JAK2: variants seen among roughly 807,000 people sequenced by gnomAD.
JAK2 encodes the protein Janus kinase 2.
A neutral mutation model predicts 139.3 loss-of-function variants in JAK2; 86 were observed. That is an observed-to-expected ratio of 0.62 (90% confidence interval 0.52 to 0.74). The LOEUF (loss-of-function observed/expected upper bound fraction) is 0.74. Ranked by LOEUF, JAK2 falls within the 30% of genes least tolerant of loss-of-function variation. JAK2 has a pLI of 0.00. For missense variants in JAK2, 1,421 were observed against 1,360.3 expected, an observed-to-expected ratio of 1.04 and a Z score of -0.70; for synonymous variants, 490 against 437.7, an observed-to-expected ratio of 1.12 and a Z score of -1.49.
chr9:5,047,678 C>T (rs1323577461), intron 5 of JAK2, among the ~76,000 whole-genome samples: 3 of 152,160 alleles, frequency 2.0e-5, no homozygotes, highest in African/African-American at 7.2e-5. Context: ...AGAGATTGAA[C>T]TCCTGGGCTC....
chr9:5,055,525 T>C lies in JAK2; in HGVS notation c.937-144T>C, dbSNP rs1278087651. The C allele has an allele frequency of 5.2e-6, 3 of 574,930 alleles. No homozygotes were observed. In the East Asian group the frequency reaches 9.6e-5, roughly 18 times the overall value. The allele number at this position is 574,930 out of a possible 1,614,324, so 35.6% of individuals were successfully genotyped here. ...TAGTCTTAGGGTTAGATTGATAGAG[T>C]AAATCACGTTTAATGCTTATCTATT... On this transcript the variant is annotated intron_variant, in intron 7 of 24. Transcript: ENST00000381652.
chr9:5,116,826 T>C (rs952733261), intron 22 of JAK2, among the ~76,000 whole-genome samples: 7 of 152,132 alleles, frequency 4.6e-5, no homozygotes, highest in Non-Finnish European at 1.0e-4. Context: ...AGCTCATAAT[T>C]AGGAAAAGTC....
chr9:5,048,388 G>A (rs1246742998), intron 5 of JAK2, among the ~76,000 whole-genome samples: 1 of 152,046 alleles, frequency 6.6e-6, no homozygotes, highest in Admixed American at 6.6e-5. Flanking sequence ...TCATCTGCCT[G>A]CCTTGGCCTT....
intron 6 of JAK2, among the ~76,000 whole-genome samples, chr9:5,053,544 G>T (rs1449202452): frequency 6.6e-6 from 1 of 151,926 alleles, no homozygotes; most frequent in East Asian, 1.9e-4. Flanking sequence ...TGTGGTTTTA[G>T]CAACATGGAT....
At chr9:5,125,001 TC>T (rs760137046) in intron 23 of JAK2, among the ~76,000 whole-genome samples, 6 of 151,376 alleles carry the variant, frequency 4.0e-5, no homozygotes, top group African/African-American at 9.7e-5. Flanking sequence ...TTTTATTAAA[TC>T]CAGTAAGCTA....
rs765377116 is a variant in JAK2, at chr9:5,029,741, G to T, written c.227-42G>T. On this transcript the variant is annotated intron_variant, in intron 3 of 24. Transcript: ENST00000381652. ...TATAGGTGCTATGTAAAAATATTCT[G>T]TTGTGTACCTTTAATAATTCCTTTC... 5 of 1,552,822 alleles carry T rather than the reference G, an allele frequency of 3.2e-6. No individual in the cohort carries two copies. The East Asian group carries it at 1.2e-4, about 36-fold the overall frequency.
intron 19 of JAK2, chr9:5,086,257 C>A: frequency 4.0e-6 from 2 of 501,384 alleles, no homozygotes; most frequent in South Asian, 1.2e-4. Context: ...ATGGTGGCTC[C>A]GCCTCTGGCC....
rs777691178 is a variant in JAK2, at chr9:5,064,939, A to G, written c.1113A>G (p.Gly371=). Residue 371 remains glycine (G), a synonymous_variant, in exon 9 of 25, where the codon GGA becomes GGG. Coordinates refer to ENST00000381652, the MANE Select transcript of JAK2 (RefSeq NM_004972.4). ...TGTCTTTCGTGTCATTAATTGATGG[A>G]TATTATAGATTAACTGCAGATGCAC... ...EALSFVSLID[G]YYRLTADAHH... is the part of the protein sequence containing the mutation. The G allele has an allele frequency of 6.2e-7, 1 of 1,604,448 alleles. No individual in the cohort carries two copies. Among genetic ancestry groups the G allele is most frequent in the Non-Finnish European group, 8.5e-7 (1 of 1,173,994 alleles).
chr9:5,069,298 A>C (rs1330888370), intron 11 of JAK2, 90 bp downstream of exon 11: 1 of 791,952 alleles, frequency 1.3e-6, no homozygotes, highest in Non-Finnish European at 2.0e-6. Context: ...TTCAAAGGAT[A>C]TATGAAAGAA....
chr9:4,987,217 A>T (rs1250547049), intron 2 of JAK2, among the ~76,000 whole-genome samples: 1 of 152,120 alleles, frequency 6.6e-6, no homozygotes. Flanking sequence ...AATATCCTGT[A>T]TTTGCAATTT....
intron 19 of JAK2, 108 bp from the exon 20 acceptor site, chr9:5,089,564 AAG>A: frequency 2.9e-6 from 1 of 339,648 alleles, no homozygotes. Flanking sequence ...AAAAAAAAAA[AAG>A]ACAGTCTGCT....
chr9:5,120,603 A>G (rs966276308), intron 22 of JAK2, among the ~76,000 whole-genome samples: 5 of 152,126 alleles, frequency 3.3e-5, no homozygotes, highest in Non-Finnish European at 5.9e-5. Context: ...CTCCTGGAGG[A>G]TCCTTTACTC....
intron 2 of JAK2, among the ~76,000 whole-genome samples, chr9:4,998,579 A>G (rs915039875): frequency 6.6e-5 from 10 of 151,810 alleles, no homozygotes; most frequent in Non-Finnish European, 1.3e-4. Context: ...TTAGAGGCCT[A>G]TTTACAGCAC....
chr9:4,988,093 C>A (rs1264192034), intron 2 of JAK2, among the ~76,000 whole-genome samples: 1 of 152,194 alleles, frequency 6.6e-6, no homozygotes, highest in African/African-American at 2.4e-5. Context: ...AATTATTGTG[C>A]TGCCCCCTTG....
intron 3 of JAK2, among the ~76,000 whole-genome samples, chr9:5,022,933 G>A (rs1416564428): frequency 1.3e-5 from 2 of 152,222 alleles, no homozygotes; most frequent in Non-Finnish European, 2.9e-5. Flanking sequence ...TTATAAGAAT[G>A]TATGATTACA....
intron 4 of JAK2, among the ~76,000 whole-genome samples, chr9:5,036,343 A>G (rs940700425): frequency 6.6e-6 from 1 of 152,186 alleles, no homozygotes; most frequent in Non-Finnish European, 1.5e-5. Flanking sequence ...ATCAAGCTAC[A>G]GATGACTTTC....
intron 4 of JAK2, among the ~76,000 whole-genome samples, chr9:5,036,457 C>G (rs898389083): frequency 2.0e-5 from 3 of 152,084 alleles, no homozygotes; most frequent in Non-Finnish European, 2.9e-5. Context: ...GGAGGCATCA[C>G]GCTACCTGAC....
chr9:5,045,430 G>C (rs948158363), intron 5 of JAK2, among the ~76,000 whole-genome samples: 2 of 152,076 alleles, frequency 1.3e-5, no homozygotes, highest in African/African-American at 4.8e-5. Context: ...TAATAAAAAT[G>C]ACCATTTTAA....
chr9:5,073,353 C>T (rs570358419), intron 13 of JAK2, among the ~76,000 whole-genome samples: 1 of 152,318 alleles, frequency 6.6e-6, no homozygotes, highest in East Asian at 1.9e-4. Flanking sequence ...CATCCATCTA[C>T]CTCAGTTTCC....
Sources: gnomAD v4.1 joint callset for allele counts (sites outside exome capture counted in the v4.1 genomes callset) on GRCh38, gnomAD v4.1.1 for gene constraint, MANE v1.5 for transcripts, NCBI Gene and HGNC (gene_info 2026-07-23, HGNC 2026-07-21) for gene names.